The following PCLO variants were observed in gnomAD, a reference collection of about 807,000 sequenced individuals.
PCLO encodes piccolo presynaptic cytomatrix protein.
Under a neutral mutation model 427.5 loss-of-function variants are expected in PCLO, and 82 were observed. That is an observed-to-expected ratio of 0.19 (90% CI 0.16 to 0.23). The LOEUF (loss-of-function observed/expected upper bound fraction) is 0.23, where lower values mean the gene tolerates loss of function less well. PCLO is among the 10% of genes least tolerant of loss of function. The pLI, the probability that PCLO is intolerant of heterozygous loss-of-function variation, is 1.00. For synonymous variants in PCLO, 2,357 were observed against 2,155.4 expected, an observed-to-expected ratio of 1.09 and a Z score of -2.59; for missense variants, 6,239 against 6,115.9, an observed-to-expected ratio of 1.02 and a Z score of -0.67.
chr7:83,084,555 G>C (rs1176868479), intron 3 of PCLO, among the ~76,000 whole-genome samples: 1 of 152,100 alleles, frequency 6.6e-6, no homozygotes, highest in Non-Finnish European at 1.5e-5. Flanking sequence ...CCAGAATTAA[G>C]CTGTATTTTT....
intron 2 of PCLO, among the ~76,000 whole-genome samples, chr7:83,144,047 A>G (rs764778436): frequency 8.5e-5 from 13 of 152,260 alleles, no homozygotes; most frequent in Non-Finnish European, 1.6e-4. Context: ...TGAAAGCAGC[A>G]TATCTTTAAA....
chr7:82,977,832 A>G lies in PCLO; in HGVS notation c.3301-11345T>C, dbSNP rs116794306. Among the ~76,000 whole-genome samples the G allele has an allele frequency of 9.1e-3, 1,381 of 152,202 alleles. 18 individuals carry two copies. Among genetic ancestry groups the G allele is most frequent in the African/African-American group, 0.032 (1,317 of 41,518 alleles). On this transcript the variant is annotated intron_variant, in intron 3 of 24. Coordinates refer to ENST00000333891, the MANE Select transcript of PCLO (RefSeq NM_033026.6). ...ACCATTACTTTTGAAGCTTCTTTCA[A>G]ACTCATTTCTTTATATCCTCCTTTG...
rs181112032 is a variant in PCLO at position 83,067,714 on chromosome 7, C to T, written c.3300+66536G>A. Reference sequence around the variant, plus strand: ...CCATATCTTTCCTTGTTTAACATGACTTGTTTTGTTATATTTTCATTTCTA... The same window carrying T: ...CCATATCTTTCCTTGTTTAACATGATTTGTTTTGTTATATTTTCATTTCTA... On this transcript the variant is annotated intron_variant, in intron 3 of 24. Transcript: ENST00000333891. Among the ~76,000 whole-genome samples, 173 of 152,264 alleles carry T rather than the reference C, an allele frequency of 1.1e-3. 1 individual carries two copies. Among genetic ancestry groups the T allele is most frequent in the Non-Finnish European group, 2.2e-3 (149 of 68,016 alleles).
intron 3 of PCLO, among the ~76,000 whole-genome samples, chr7:83,054,672 C>T (rs1789334825): frequency 6.6e-6 from 1 of 151,962 alleles, no homozygotes; most frequent in Admixed American, 6.6e-5. Flanking sequence ...TCAAAATTTA[C>T]ATAGTAAACC....
chr7:83,033,155 G>A (rs1327717376), intron 3 of PCLO, among the ~76,000 whole-genome samples: 2 of 152,150 alleles, frequency 1.3e-5, no homozygotes, highest in Non-Finnish European at 2.9e-5. Flanking sequence ...ATGAGGAACT[G>A]TGAGTCAATT....
chr7:83,002,187 C>A (rs954745086), intron 3 of PCLO, among the ~76,000 whole-genome samples: 3 of 151,864 alleles, frequency 2.0e-5, no homozygotes, highest in African/African-American at 4.8e-5. Context: ...TATACTAGAT[C>A]TTTTTCTCAT....
chr7:82,841,488 C>T lies in PCLO; in HGVS notation c.14068G>A (p.Val4690Ile), dbSNP rs768120952. ...ATTTCTCCTGTAATTGGATGAGAGA[C>T]AACCTTTGTTCCATCGGTAGGCTGT... ...SSKPTDGTKV[V>I]SHPITGEIQL... The change falls in exon 14 of 25, where the codon GTC (valine) becomes ATC (isoleucine). Residue 4690 changes from valine to isoleucine, a missense_variant. By Grantham distance (29) the Val-to-Ile change is conservative. Transcript: ENST00000333891. 6.3e-7 allele frequency: 1 copy of T among 1,597,104 alleles called. No individual in the cohort carries two copies. Among genetic ancestry groups the T allele is most frequent in the Non-Finnish European group, 8.6e-7 (1 of 1,165,386 alleles).
chr7:83,159,511 G>A (rs1792381215), intron 1 of PCLO, among the ~76,000 whole-genome samples: 3 of 151,968 alleles, frequency 2.0e-5, no homozygotes, highest in Admixed American at 6.6e-5. Flanking sequence ...TTTGTAACCT[G>A]TCTTCTACTG....
chr7:83,156,437 G>C, intron 1 of PCLO, 45 bp from the exon 2 acceptor site: 1 of 1,188,630 alleles, frequency 8.4e-7, no homozygotes, highest in Non-Finnish European at 1.2e-6. Context: ...GAAAATAATG[G>C]AAATTATTTC....
chr7:82,818,799 A>G (rs1193561313), intron 20 of PCLO, among the ~76,000 whole-genome samples: 4 of 152,188 alleles, frequency 2.6e-5, no homozygotes, highest in Non-Finnish European at 5.9e-5. Context: ...CATCCACTTA[A>G]TGTGATAAAA....
chr7:82,870,557 G>T (rs1793208923), intron 10 of PCLO, among the ~76,000 whole-genome samples: 1 of 151,908 alleles, frequency 6.6e-6, no homozygotes. Flanking sequence ...GACCTCAAAA[G>T]CACAAGCAAC....
At position 82,814,660 on chromosome 7, in the gene PCLO, C is replaced by A. The variant is rs544548340; in HGVS notation, c.14791+7835G>T. Among the ~76,000 whole-genome samples, 12 of 151,526 alleles carry A rather than the reference C, an allele frequency of 7.9e-5. No individual in the cohort carries two copies. In the East Asian group the frequency reaches 2.3e-3, roughly 29 times the overall value. ...ATTCAAAATAAATAAAACATTAAAACAAAAAATCAACAAGCACATATTCCA... is the reference window on the plus strand; with the variant it reads ...ATTCAAAATAAATAAAACATTAAAAAAAAAAATCAACAAGCACATATTCCA... On this transcript the variant is annotated intron_variant, in intron 20 of 24. Transcript: ENST00000333891.
chr7:82,885,754 T>C (rs1016989668), intron 9 of PCLO, among the ~76,000 whole-genome samples: 4 of 151,682 alleles, frequency 2.6e-5, no homozygotes, highest in Non-Finnish European at 4.4e-5. Flanking sequence ...TAAAATTACA[T>C]TATCTCATTG....
At chr7:82,836,242 T>C (rs1358132217) in intron 15 of PCLO, among the ~76,000 whole-genome samples, 3 of 152,188 alleles carry the variant, frequency 2.0e-5, no homozygotes, top group African/African-American at 7.2e-5. Flanking sequence ...TTAGAGAATA[T>C]AGAATATAAA....
At chr7:82,880,526 G>C (rs1416862966) in intron 9 of PCLO, 2 of 227,462 alleles carry the variant, frequency 8.8e-6, no homozygotes, top group Non-Finnish European at 1.9e-5. Flanking sequence ...TTACAGGCTT[G>C]AACTCTTTTC....
chr7:83,123,378 G>A (rs1203025111), intron 3 of PCLO, among the ~76,000 whole-genome samples: 1 of 152,172 alleles, frequency 6.6e-6, no homozygotes, highest in Non-Finnish European at 1.5e-5. Context: ...CTTGGGGAAA[G>A]TGTATTCTCT....
At chr7:82,921,260 A>G (rs1399852215) in intron 6 of PCLO, among the ~76,000 whole-genome samples, 1 of 151,798 alleles carries the variant, frequency 6.6e-6, no homozygotes, top group Non-Finnish European at 1.5e-5. Context: ...AAATAGCTCA[A>G]ACAGCTAAAG....
intron 3 of PCLO, among the ~76,000 whole-genome samples, chr7:83,105,496 TAAAC>T (rs1192046280): frequency 8.0e-6 from 1 of 125,172 alleles, no homozygotes; most frequent in Non-Finnish European, 1.7e-5. Flanking sequence ...ATGAGAAACT[TAAAC>T]AAAACAAAAC....
intron 3 of PCLO, among the ~76,000 whole-genome samples, chr7:83,087,602 A>G (rs1010114616): frequency 6.6e-6 from 1 of 152,288 alleles, no homozygotes; most frequent in East Asian, 1.9e-4. Context: ...ATATTTGTAT[A>G]GGTTTTAATA....
Sources: allele counts gnomAD v4.1 joint callset (sites outside exome capture counted in the v4.1 genomes callset), GRCh38; gene constraint gnomAD v4.1.1; transcripts MANE v1.5; gene names NCBI Gene and HGNC (gene_info 2026-07-23, HGNC 2026-07-21).